Variants in STAM observed in about 807,000 individuals in gnomAD.
STAM encodes signal transducing adapter molecule 1.
Under a neutral mutation model 63.4 loss-of-function variants are expected in STAM, and 16 were observed. That is an observed-to-expected ratio of 0.25 (90% confidence interval 0.17 to 0.38). The LOEUF (loss-of-function observed/expected upper bound fraction) is 0.38, where lower values mean the gene tolerates loss of function less well. Ranked by LOEUF, STAM falls within the 10% of genes least tolerant of loss-of-function variation. The pLI is 1.00. For synonymous variants in STAM, 238 were observed against 223.9 expected (o/e 1.06, Z -0.56); for missense variants, 636 against 657.1 (o/e 0.97, Z 0.35).
chr10:17,676,684 T>C (rs1554824684), intron 2 of STAM, among the ~76,000 whole-genome samples: 1 of 152,036 alleles, frequency 6.6e-6, no homozygotes, highest in Non-Finnish European at 1.5e-5. Flanking sequence ...TCCTCTGTTA[T>C]GTCCAGTTAA....
intron 9 of STAM, among the ~76,000 whole-genome samples, chr10:17,703,566 T>C (rs1362612729): frequency 6.6e-6 from 1 of 152,164 alleles, no homozygotes; most frequent in Non-Finnish European, 1.5e-5. Context: ...AAAGTAGATC[T>C]GTTTGGATTT....
chr10:17,695,782 G>A (rs984832096), intron 7 of STAM: 2 of 152,158 alleles, frequency 1.3e-5, no homozygotes, highest in Non-Finnish European at 2.9e-5. Context: ...AAAATTTGCA[G>A]GTGTTTTTTA....
chr10:17,713,334 A>G (rs1205312016), intron 13 of STAM, among the ~76,000 whole-genome samples: 2 of 152,210 alleles, frequency 1.3e-5, no homozygotes, highest in African/African-American at 4.8e-5. Flanking sequence ...GAGGATTCCC[A>G]GATGCGTATT....
intron 5 of STAM, among the ~76,000 whole-genome samples, chr10:17,691,513 A>G (rs115992627): frequency 1.5e-5 from 2 of 137,736 alleles, no homozygotes; most frequent in East Asian, 2.0e-4. Flanking sequence ...GCGAGACTCA[A>G]ATAAATAAAT....
At chr10:17,663,949 G>C (rs192251945) in intron 2 of STAM, among the ~76,000 whole-genome samples, 1 of 151,332 alleles carries the variant, frequency 6.6e-6, no homozygotes, top group Non-Finnish European at 1.5e-5. Flanking sequence ...TGTCTTCTTG[G>C]GCTCCTCTTT....
In STAM at chr10:17,644,256, T is replaced by A; in HGVS notation, c.-84T>A. 2.0e-6 allele frequency: 3 copies of A among 1,476,460 alleles called. No homozygotes were observed. The highest frequency in any genetic ancestry group is 2.8e-6 in the Non-Finnish European group (3 of 1,057,972). 91.5% of individuals were successfully genotyped at this position (1,476,460 alleles called of 1,614,324 possible). On this transcript the variant is annotated 5_prime_UTR_variant, in exon 1 of 14. Transcript: ENST00000377524. ...GTCGGTCTCTGTTGCTCTTTTTGCCTGAGGAGTCTTCCATCCTACGTCGAG... is the reference window on the plus strand; with the variant it reads ...GTCGGTCTCTGTTGCTCTTTTTGCCAGAGGAGTCTTCCATCCTACGTCGAG...
intron 1 of STAM, among the ~76,000 whole-genome samples, chr10:17,648,115 A>T (rs1308853129): frequency 6.6e-6 from 1 of 152,216 alleles, no homozygotes; most frequent in African/African-American, 2.4e-5. Context: ...TATCAGCAAG[A>T]TATTTTGGCT....
intron 13 of STAM, 87 bp downstream of exon 13, chr10:17,709,038 T>G: frequency 6.8e-7 from 1 of 1,469,512 alleles, no homozygotes. Flanking sequence ...AAAATCTGGC[T>G]AATAAATATC....
chr10:17,681,197 C>CTTT lies in STAM; in HGVS notation c.126-3462_126-3460dup, dbSNP rs201425906. 2.8e-4 allele frequency among the ~76,000 whole-genome samples: 35 copies of CTTT among 123,660 alleles called. No homozygotes were observed. The South Asian group carries it at 4.7e-3, about 17-fold the overall frequency. The allele number at this position is 123,660 out of a possible 152,430, so 81.1% of individuals were successfully genotyped here. A position where few individuals can be genotyped will look rare whatever the true frequency, so the allele number is the denominator to read the frequency against. ...GGGTGTGAGGTGGTATTGAGATCGT[C>CTTT]TTTTTTTTTTTTTTTTTTAATGTAG... is the stretch of plus-strand genomic sequence containing the variant. On this transcript the variant is annotated intron_variant, in intron 2 of 13. Transcript: ENST00000377524.
intron 1 of STAM, among the ~76,000 whole-genome samples, chr10:17,657,429 C>T (rs1833985290): frequency 6.6e-6 from 1 of 152,148 alleles, no homozygotes; most frequent in East Asian, 1.9e-4. Context: ...CTATAGTTTT[C>T]TTGTAATGTT....
chr10:17,700,570 T>G (rs111379948), intron 9 of STAM, among the ~76,000 whole-genome samples: 3,210 of 149,460 alleles, frequency 0.021, 78 homozygotes, highest in South Asian at 0.068. Flanking sequence ...TTACAGTTTT[T>G]ACAGTGTAGT....
At chr10:17,712,154 G>A (rs139199006) in intron 13 of STAM, among the ~76,000 whole-genome samples, 33 of 152,324 alleles carry the variant, frequency 2.2e-4, no homozygotes, top group African/African-American at 5.3e-4. Context: ...TATGTTCCAA[G>A]CACTGTGCTG....
chr10:17,696,512 G>C (rs971302814), intron 7 of STAM: 1 of 339,376 alleles, frequency 2.9e-6, no homozygotes, highest in Non-Finnish European at 5.3e-6. Context: ...TTTTCGTATT[G>C]GTGCCTCTTT....
At chr10:17,675,447 T>C (rs1834809227) in intron 2 of STAM, among the ~76,000 whole-genome samples, 1 of 149,774 alleles carries the variant, frequency 6.7e-6, no homozygotes, top group Non-Finnish European at 1.5e-5. Flanking sequence ...GAGGTTGCAG[T>C]GAACTGAGAT....
At chr10:17,683,270 C>T (rs1442490105) in intron 2 of STAM, among the ~76,000 whole-genome samples, 1 of 151,992 alleles carries the variant, frequency 6.6e-6, no homozygotes, top group East Asian at 1.9e-4. Flanking sequence ...CTCAAGTGAA[C>T]CTCCCACCTC....
chr10:17,656,967 G>A (rs979114626), intron 1 of STAM, among the ~76,000 whole-genome samples: 3 of 152,154 alleles, frequency 2.0e-5, no homozygotes, highest in Admixed American at 1.3e-4. Flanking sequence ...TAGAGTGGGC[G>A]GCCCACATGC....
At position 17,688,162 on chromosome 10, in the gene STAM, A is replaced by G. The variant is rs1180387496; in HGVS notation, c.433A>G (p.Ile145Val). ...GGAACAAGGAGTTACGTTCCCAGCT[A>G]TTGGCTCTCAGGTATTTTGGGAATG... is the stretch of plus-strand genomic sequence containing the variant. ...LKEQGVTFPA[I>V]GSQAAEQAKA... Residue 145 changes from isoleucine (I) to valine (V), a missense_variant, in exon 5 of 14, where the codon ATT becomes GTT. By Grantham distance (29) the Ile-to-Val change is conservative. Transcript: ENST00000377524. The G allele has an allele frequency of 3.8e-6, 6 of 1,563,874 alleles. No homozygotes were observed. The highest frequency in any genetic ancestry group is 1.7e-4 in the Middle Eastern group (1 of 5,870).
At chr10:17,695,321 TTACC>T in intron 7 of STAM, 80 bp downstream of exon 7, 2 of 1,316,028 alleles carry the variant, frequency 1.5e-6, no homozygotes, top group Non-Finnish European at 2.1e-6. Flanking sequence ...TTGATTGCAG[TTACC>T]AAATACAATA....
chr10:17,646,175 C>G (rs1833513351), intron 1 of STAM, among the ~76,000 whole-genome samples: 1 of 152,282 alleles, frequency 6.6e-6, no homozygotes, highest in Non-Finnish European at 1.5e-5. Flanking sequence ...TTCCTGATTA[C>G]TGTAGCAAAG....
Sources: allele counts gnomAD v4.1 joint callset (sites outside exome capture counted in the v4.1 genomes callset), GRCh38; gene constraint gnomAD v4.1.1; transcripts MANE v1.5; gene names NCBI Gene and HGNC (gene_info 2026-07-23, HGNC 2026-07-21).